Variants in UNC80 observed in about 807,000 individuals in gnomAD.
UNC80 encodes protein unc-80 homolog.
Under a neutral mutation model 384.6 loss-of-function variants are expected in UNC80, and 164 were observed. The ratio of observed to expected loss-of-function variants is 0.43; its 90% confidence interval spans 0.38 to 0.49. UNC80 has a LOEUF of 0.49. Ranked by LOEUF, UNC80 falls within the 20% of genes least tolerant of loss-of-function variation. UNC80 has a pLI of 0.00. For synonymous variants in UNC80, 1,486 were observed against 1,527.8 expected, an observed-to-expected ratio of 0.97 and a Z score of 0.64; for missense variants, 3,330 against 4,143.0, an observed-to-expected ratio of 0.80 and a Z score of 5.39.
chr2:209,821,756 A>G (rs2080148157), intron 13 of UNC80, among the ~76,000 whole-genome samples: 1 of 152,230 alleles, frequency 6.6e-6, no homozygotes, highest in African/African-American at 2.4e-5. Context: ...TTAAATTCAC[A>G]TAACTTACAC....
chr2:209,866,488 CCCCA>C (rs1241660917), intron 22 of UNC80, among the ~76,000 whole-genome samples: 3 of 106,742 alleles, frequency 2.8e-5, no homozygotes, highest in South Asian at 3.4e-4. Flanking sequence ...CAAAATGCAC[CCCCA>C]CACACACACA....
At chr2:209,953,747 C>T (rs750415963) in intron 47 of UNC80, among the ~76,000 whole-genome samples, 5 of 152,138 alleles carry the variant, frequency 3.3e-5, no homozygotes, top group Non-Finnish European at 7.3e-5. Flanking sequence ...TCTCAGCAAA[C>T]TCCTGAATTG....
intron 22 of UNC80, among the ~76,000 whole-genome samples, chr2:209,866,533 C>CATACACACACAG (rs1307214321): frequency 1.5e-4 from 16 of 104,084 alleles, no homozygotes; most frequent in East Asian, 1.3e-3. Context: ...CACACACACA[C>CATACACACACAG]AGAGAGAGAG....
intron 51 of UNC80, among the ~76,000 whole-genome samples, chr2:209,962,804 A>G (rs1008330573): frequency 4.6e-5 from 7 of 152,246 alleles, no homozygotes; most frequent in Admixed American, 2.0e-4. Context: ...CAAAGGATGT[A>G]ATTAAGGCTC....
At position 209,772,008 on chromosome 2, in the gene UNC80, C is replaced by A; in HGVS notation, c.-65C>A. The A allele has an allele frequency of 4.6e-5, 47 of 1,013,330 alleles. No individual in the cohort carries two copies. The highest frequency in any genetic ancestry group is 5.9e-5 in the Non-Finnish European group (40 of 683,454). The allele number at this position is 1,013,330 out of a possible 1,614,324, so 62.8% of individuals were successfully genotyped here. On this transcript the variant is annotated 5_prime_UTR_variant, in exon 1 of 65. Coordinates refer to ENST00000673920, the MANE Select transcript of UNC80 (RefSeq NM_001371986.1). The stretch of plus-strand genomic sequence containing the variant: ...GAGAGTTGGGAGCAGCGGGAGGAGG[C>A]GGCGGCGGCGGCTAGCGAGGAGACA...
At chr2:209,894,696 G>A (rs1230632194) in intron 27 of UNC80, among the ~76,000 whole-genome samples, 3 of 152,228 alleles carry the variant, frequency 2.0e-5, no homozygotes, top group African/African-American at 7.2e-5. Context: ...GAGCAGCAAG[G>A]ATGTGGAGTA....
intron 28 of UNC80, among the ~76,000 whole-genome samples, chr2:209,904,261 G>T (rs1178439383): frequency 6.6e-6 from 1 of 152,194 alleles, no homozygotes; most frequent in Admixed American, 6.5e-5. Flanking sequence ...TAAGGTTCAA[G>T]TTCTAGTTGA....
intron 20 of UNC80, among the ~76,000 whole-genome samples, chr2:209,841,665 T>A (rs2081763545): frequency 6.6e-6 from 1 of 152,166 alleles, no homozygotes; most frequent in Non-Finnish European, 1.5e-5. Flanking sequence ...AGTTTTCTTT[T>A]ATCTAGTCTG....
chr2:209,954,390 T>C, intron 48 of UNC80, 120 bp downstream of exon 48: 1 of 1,023,904 alleles, frequency 9.8e-7, no homozygotes, highest in Non-Finnish European at 1.3e-6. Context: ...TACAGATACC[T>C]CCTAAACTCA....
intron 23 of UNC80, among the ~76,000 whole-genome samples, chr2:209,874,703 A>G (rs1352012230): frequency 6.6e-6 from 1 of 152,188 alleles, no homozygotes; most frequent in Non-Finnish European, 1.5e-5. Context: ...AACTTACTTC[A>G]GGGTTACATT....
intron 22 of UNC80, among the ~76,000 whole-genome samples, chr2:209,866,529 C>G (rs375972802): frequency 2.6e-3 from 325 of 126,454 alleles, no homozygotes; most frequent in African/African-American, 5.3e-3. Context: ...CACACACACA[C>G]ACACAGAGAG....
chr2:209,906,072 G>A (rs1187303665), intron 29 of UNC80, among the ~76,000 whole-genome samples: 1 of 151,814 alleles, frequency 6.6e-6, no homozygotes, highest in East Asian at 1.9e-4. Context: ...ATTCTGTTAA[G>A]GAAAAAAAAA....
At chr2:209,887,193 C>T (rs948191848) in intron 25 of UNC80, among the ~76,000 whole-genome samples, 4 of 152,044 alleles carry the variant, frequency 2.6e-5, no homozygotes, top group East Asian at 1.9e-4. Flanking sequence ...TGCGCCACCT[C>T]GCCCGGCTAA....
At chr2:209,816,675 G>A (rs1397788293) in intron 9 of UNC80, among the ~76,000 whole-genome samples, 1 of 152,156 alleles carries the variant, frequency 6.6e-6, no homozygotes, top group Non-Finnish European at 1.5e-5. Context: ...CAAACCACTA[G>A]TCTAACCAAA....
chr2:209,808,455 C>G (rs2079053487), intron 7 of UNC80, among the ~76,000 whole-genome samples: 1 of 149,730 alleles, frequency 6.7e-6, no homozygotes, highest in South Asian at 2.1e-4. Context: ...CTCAGCTACT[C>G]AGGAGATTGA....
chr2:209,873,432 T>C (rs1246960863), intron 23 of UNC80, among the ~76,000 whole-genome samples: 2 of 152,242 alleles, frequency 1.3e-5, no homozygotes, highest in Non-Finnish European at 2.9e-5. Flanking sequence ...ATTTTCTCTT[T>C]TGTTGATGTG....
intron 12 of UNC80, among the ~76,000 whole-genome samples, chr2:209,819,778 C>A (rs1165965381): frequency 6.6e-6 from 1 of 152,008 alleles, no homozygotes; most frequent in East Asian, 1.9e-4. Flanking sequence ...CATTAGGAAT[C>A]CTGGCTTAGC....
intron 59 of UNC80, among the ~76,000 whole-genome samples, chr2:209,981,468 C>G (rs558528666): frequency 6.6e-5 from 10 of 152,316 alleles, no homozygotes; most frequent in African/African-American, 2.2e-4. Flanking sequence ...GTCCCAGCTA[C>G]TCTGGAGGCT....
At chr2:209,940,780 G>T (rs1361211822) in intron 43 of UNC80, among the ~76,000 whole-genome samples, 9 of 152,086 alleles carry the variant, frequency 5.9e-5, no homozygotes, top group Non-Finnish European at 8.8e-5. Flanking sequence ...TTGCGCCATT[G>T]CACTCCAGAC....
Sources: allele counts gnomAD v4.1 joint callset (sites outside exome capture counted in the v4.1 genomes callset), GRCh38; gene constraint gnomAD v4.1.1; transcripts MANE v1.5; gene names NCBI Gene and HGNC (gene_info 2026-07-23, HGNC 2026-07-21).